Variants in CACNA1C observed in about 807,000 individuals in gnomAD.
CACNA1C encodes the protein calcium voltage-gated channel subunit alpha1 C.
Under a neutral mutation model 229.0 loss-of-function variants are expected in CACNA1C, and 30 were observed. The observed-to-expected ratio is 0.13, with a 90% CI of 0.10 to 0.18. The LOEUF (loss-of-function observed/expected upper bound fraction) is 0.18, where lower values mean the gene tolerates loss of function less well. CACNA1C is among the 10% of genes least tolerant of loss of function. The pLI is 1.00. For synonymous variants in CACNA1C, 1,114 were observed against 1,132.5 expected (o/e 0.98, Z 0.33); for missense variants, 1,658 against 2,845.0 (o/e 0.58, Z 9.49).
chr12:2,269,128 C>CAA (rs1037180193), intron 3 of CACNA1C, among the ~76,000 whole-genome samples: 8 of 152,270 alleles, frequency 5.3e-5, no homozygotes, highest in African/African-American at 1.9e-4. Flanking sequence ...CTGACAGTTA[C>CAA]AAAATGCCTC....
chr12:2,073,154 T>G (rs1253115545), intron 1 of CACNA1C, among the ~76,000 whole-genome samples: 3 of 152,280 alleles, frequency 2.0e-5, no homozygotes, highest in Admixed American at 1.3e-4. Context: ...GGAGCTCCAG[T>G]GCACAGGCAG....
chr12:1,997,846 A>C (rs1475109582), intron 1 of CACNA1C: 38 of 1,074,110 alleles, frequency 3.5e-5, no homozygotes, highest in Non-Finnish European at 2.6e-5. Context: ...TTTTGAAATA[A>C]AACTGCATGC....
rs535115448 is a variant in CACNA1C, at chr12:2,097,357, A to G, written c.50-17867A>G. On this transcript the variant is annotated intron_variant, in intron 1 of 46. Transcript: ENST00000399655. ...GAGACGGGGTTTCACCATGTTAGCC[A>G]GGATAGTCTCGATCTCCTGACCTTG... 5.5e-4 allele frequency among the ~76,000 whole-genome samples: 84 copies of G among 152,126 alleles called. No homozygotes were observed. The East Asian group carries it at 7.6e-3, about 14-fold the overall frequency.
intron 3 of CACNA1C, among the ~76,000 whole-genome samples, chr12:2,356,017 A>G (rs1169041751): frequency 1.3e-5 from 2 of 152,210 alleles, no homozygotes; most frequent in Admixed American, 6.5e-5. Context: ...GAGACATTGC[A>G]TTTAGTTGGA....
chr12:2,667,321 CGTG>C (rs2096248238), intron 37 of CACNA1C, among the ~76,000 whole-genome samples: 1 of 146,688 alleles, frequency 6.8e-6, no homozygotes, highest in African/African-American at 2.7e-5. Context: ...GTGGCCATTC[CGTG>C]CTCCTTGTTG....
chr12:2,379,591 A>G (rs2098175473), intron 3 of CACNA1C, among the ~76,000 whole-genome samples: 1 of 152,092 alleles, frequency 6.6e-6, no homozygotes, highest in Non-Finnish European at 1.5e-5. Context: ...TGTCCAGTCC[A>G]TCTCTCATTT....
intron 3 of CACNA1C, among the ~76,000 whole-genome samples, chr12:2,238,552 G>C (rs564643296): frequency 1.3e-5 from 2 of 152,346 alleles, no homozygotes; most frequent in African/African-American, 4.8e-5. Flanking sequence ...TGACTTTCTT[G>C]TGAATGAGAA....
intron 1 of CACNA1C, among the ~76,000 whole-genome samples, chr12:2,104,251 G>C (rs1326013575): frequency 6.6e-6 from 1 of 152,082 alleles, no homozygotes; most frequent in Non-Finnish European, 1.5e-5. Context: ...TTATTTCCTT[G>C]AACAGTGGTT....
Position 2,504,561 on chromosome 12 carries a change from C to T in CACNA1C, c.1114-281C>T. On this transcript the variant is annotated intron_variant, in intron 7 of 46. Transcript: ENST00000399655. The surrounding 1 kb of genome is among the most constrained non-coding windows in gnomAD (Gnocchi z 6.8). Reference sequence around the variant, plus strand: ...GCGGGTAAGCTGACCGTTTCTATGTCCTCTCCACAACGCAGCCGAGCAAGG... The same window carrying T: ...GCGGGTAAGCTGACCGTTTCTATGTTCTCTCCACAACGCAGCCGAGCAAGG... 1 of 1,390,176 alleles carries T rather than the reference C, an allele frequency of 7.2e-7. No homozygotes were observed. Among genetic ancestry groups the T allele is most frequent in the South Asian group, 1.2e-5 (1 of 86,510 alleles). 86.1% of individuals were successfully genotyped at this position (1,390,176 alleles called of 1,614,324 possible). A position where few individuals can be genotyped will look rare whatever the true frequency, so the allele number is the denominator to read the frequency against.
chr12:2,661,455 ATC>A (rs1187578350), intron 34 of CACNA1C, among the ~76,000 whole-genome samples: 1 of 152,006 alleles, frequency 6.6e-6, no homozygotes, highest in African/African-American at 2.4e-5. Flanking sequence ...TTATAAAATT[ATC>A]TTAAGAATTA....
chr12:2,638,651 C>T (rs1024598872), intron 30 of CACNA1C, among the ~76,000 whole-genome samples: 2 of 152,064 alleles, frequency 1.3e-5, no homozygotes, highest in East Asian at 1.9e-4. Flanking sequence ...GCAGTAGAAG[C>T]GGTGGAAAAT....
At chr12:2,560,856 A>AT (rs2047086845) in intron 11 of CACNA1C, among the ~76,000 whole-genome samples, 1 of 151,142 alleles carries the variant, frequency 6.6e-6, no homozygotes, top group African/African-American at 2.4e-5. Context: ...GGTAAAAAAA[A>AT]AAAAAAAAAA....
chr12:2,450,649 T>C (rs969475962), intron 4 of CACNA1C, among the ~76,000 whole-genome samples: 2 of 151,224 alleles, frequency 1.3e-5, no homozygotes, highest in Non-Finnish European at 2.9e-5. Flanking sequence ...AGATTTTACC[T>C]TGAGAAGAAG....
intron 3 of CACNA1C, among the ~76,000 whole-genome samples, chr12:2,158,394 G>A (rs369289300): frequency 2.0e-5 from 3 of 152,146 alleles, no homozygotes; most frequent in South Asian, 4.1e-4. Flanking sequence ...TGGGCAACAT[G>A]GCGAAACCAT....
rs1228367451 is a variant in CACNA1C, at chr12:2,486,195, C to T, written c.849C>T (p.Ala283=). Residue 283 remains alanine, a synonymous_variant, in exon 6 of 47, where the codon GCC becomes GCT. Coordinates refer to ENST00000399655, the MANE Select transcript of CACNA1C (RefSeq NM_000719.7). The surrounding 1 kb of genome is among the most constrained non-coding windows in gnomAD (Gnocchi z 4.9). ...LLVLFVIIIY[A]IIGLELFMGK... ...TGCTGTTTGTCATCATCATCTACGC[C>T]ATCATCGGCTTGGAGCTCTTCATGG... 9 of 1,613,814 alleles carry T rather than the reference C, an allele frequency of 5.6e-6. No individual in the cohort carries two copies. The highest frequency in any genetic ancestry group is 7.6e-6 in the Non-Finnish European group (9 of 1,179,804).
chr12:2,138,865 C>G (rs954905431), intron 3 of CACNA1C, among the ~76,000 whole-genome samples: 1 of 150,670 alleles, frequency 6.6e-6, no homozygotes, highest in Admixed American at 6.7e-5. Context: ...TAGACAATCC[C>G]CAAGGCCCAG....
chr12:2,140,237 G>A (rs1028778494), intron 3 of CACNA1C, among the ~76,000 whole-genome samples: 7 of 151,314 alleles, frequency 4.6e-5, no homozygotes, highest in Non-Finnish European at 8.9e-5. Flanking sequence ...ACGGTGGGTG[G>A]ACGATTTGCA....
In CACNA1C at chr12:2,681,959, C is replaced by T. The variant is rs759718401; in HGVS notation, c.5445-591C>T. On this transcript the variant is annotated intron_variant, in intron 42 of 46. Transcript: ENST00000399655. The stretch of plus-strand genomic sequence containing the variant: ...GACCCTGTCCCAGCAGGGAAAGGCA[C>T]GTTCCGATGTGTGAGGATCTGGAGC... The T allele has an allele frequency of 4.8e-5, 76 of 1,597,154 alleles. No individual in the cohort carries two copies. The highest frequency in any genetic ancestry group is 6.7e-5 in the African/African-American group (5 of 74,688).
chr12:2,607,398 A>G (rs777774423), intron 26 of CACNA1C: 15 of 400,322 alleles, frequency 3.7e-5, no homozygotes, highest in Non-Finnish European at 6.3e-5. Flanking sequence ...ATGAGCCACG[A>G]TGTCAGAGAT....
Sources: allele counts gnomAD v4.1 joint callset (sites outside exome capture counted in the v4.1 genomes callset), GRCh38; gene constraint gnomAD v4.1.1; non-coding constraint Gnocchi (gnomAD v3.1); transcripts MANE v1.5; gene names NCBI Gene and HGNC (gene_info 2026-07-23, HGNC 2026-07-21).